PSD3: variants seen among roughly 807,000 people sequenced by gnomAD.
The protein encoded by PSD3 is PH and SEC7 domain-containing protein 3.
Under a neutral mutation model 105.5 loss-of-function variants are expected in PSD3, and 49 were observed. That is an observed-to-expected ratio of 0.46 (90% CI 0.37 to 0.59). PSD3 has a LOEUF of 0.59. Ranked by LOEUF, PSD3 falls within the 20% of genes least tolerant of loss-of-function variation. The pLI is 0.00. For synonymous variants in PSD3, 557 were observed against 457.8 expected, an observed-to-expected ratio of 1.22 and a Z score of -2.77; for missense variants, 1,561 against 1,263.8, an observed-to-expected ratio of 1.24 and a Z score of -3.57.
At chr8:18,587,110 GACATTTCTGC>G (rs1471630299) in intron 12 of PSD3, among the ~76,000 whole-genome samples, 1 of 152,130 alleles carries the variant, frequency 6.6e-6, no homozygotes, top group Non-Finnish European at 1.5e-5. Flanking sequence ...AAGAAGGAGA[GACATTTCTGC>G]TATACTGGAA....
At chr8:18,556,099 G>C (rs1565230) in intron 15 of PSD3, 110 bp downstream of exon 15, 1 of 1,317,832 alleles carries the variant, frequency 7.6e-7, no homozygotes, top group Non-Finnish European at 1.0e-6. Flanking sequence ...ATTAGAGCCA[G>C]GGGCAAGACA....
At chr8:18,704,500 G>C (rs1310894761) in intron 9 of PSD3, among the ~76,000 whole-genome samples, 1 of 152,152 alleles carries the variant, frequency 6.6e-6, no homozygotes, top group African/African-American at 2.4e-5. Context: ...ACCACACTCG[G>C]CTAATTTTTG....
intron 2 of PSD3, among the ~76,000 whole-genome samples, chr8:18,888,102 G>A (rs536316812): frequency 6.6e-6 from 1 of 152,218 alleles, no homozygotes; most frequent in Admixed American, 6.5e-5. Flanking sequence ...GGGATTCCTT[G>A]CCAAGTAAAA....
At chr8:19,078,966 C>T (rs1829553487) in intron 1 of PSD3, among the ~76,000 whole-genome samples, 2 of 151,784 alleles carry the variant, frequency 1.3e-5, no homozygotes, top group African/African-American at 2.4e-5. Flanking sequence ...GTCCCAGCTC[C>T]CAATCCAATT....
intron 1 of PSD3, among the ~76,000 whole-genome samples, chr8:18,981,059 TCCC>T (rs1825225429): frequency 6.6e-6 from 1 of 152,002 alleles, no homozygotes; most frequent in East Asian, 1.9e-4. Context: ...CCTGCTCCCC[TCCC>T]CCGTGAGTTT....
intron 1 of PSD3, among the ~76,000 whole-genome samples, chr8:19,054,333 G>C (rs1024594060): frequency 1.3e-5 from 2 of 152,190 alleles, no homozygotes; most frequent in African/African-American, 2.4e-5. Flanking sequence ...ATCTGTGAGA[G>C]TATCCCGTGT....
chr8:19,012,724 A>T (rs1052524374), intron 1 of PSD3, among the ~76,000 whole-genome samples: 1 of 152,204 alleles, frequency 6.6e-6, no homozygotes, highest in Non-Finnish European at 1.5e-5. Flanking sequence ...CAACGAACGC[A>T]TTGAGGCATT....
chr8:18,832,634 A>G (rs1487035712), intron 4 of PSD3, among the ~76,000 whole-genome samples: 1 of 152,206 alleles, frequency 6.6e-6, no homozygotes, highest in Admixed American at 6.5e-5. Context: ...CCATTCTCAC[A>G]GCGCTAATAA....
intron 4 of PSD3, among the ~76,000 whole-genome samples, chr8:18,854,983 G>T (rs2129453289): frequency 6.6e-6 from 1 of 152,320 alleles, no homozygotes; most frequent in South Asian, 2.1e-4. Flanking sequence ...AGGCATCCGA[G>T]AAACCAGGGA....
Position 18,719,090 on chromosome 8 carries a change from C to T in PSD3, c.2172+46359G>A, listed in dbSNP as rs184991971. On this transcript the variant is annotated intron_variant, in intron 9 of 15. Coordinates refer to ENST00000327040, the MANE Select transcript of PSD3 (RefSeq NM_015310.4). Reference sequence around the variant, plus strand: ...AAAAGGAAAAAGCTAAGACAGAGATCGAAAATTAGGTGGCTGTGACTTCGG... The same window carrying T: ...AAAAGGAAAAAGCTAAGACAGAGATTGAAAATTAGGTGGCTGTGACTTCGG... 2.0e-5 allele frequency among the ~76,000 whole-genome samples: 3 copies of T among 151,530 alleles called. No homozygotes were observed. The Admixed American group carries it at 2.0e-4, about 10-fold the overall frequency.
intron 11 of PSD3, among the ~76,000 whole-genome samples, chr8:18,604,973 C>G (rs1804710757): frequency 6.6e-6 from 1 of 152,218 alleles, no homozygotes; most frequent in African/African-American, 2.4e-5. Context: ...CAGGCAGAAG[C>G]CTGCTGCAGT....
chr8:18,710,292 G>A (rs62495802), intron 9 of PSD3, among the ~76,000 whole-genome samples: 1 of 151,956 alleles, frequency 6.6e-6, no homozygotes, highest in African/African-American at 2.4e-5. Context: ...AAAGATTAGA[G>A]GGAAAAAAAA....
At chr8:19,000,440 G>C (rs1388500428) in intron 1 of PSD3, among the ~76,000 whole-genome samples, 1 of 149,480 alleles carries the variant, frequency 6.7e-6, no homozygotes, top group Non-Finnish European at 1.5e-5. Flanking sequence ...ACAATCAAAA[G>C]AATGAATGAA....
intron 14 of PSD3, among the ~76,000 whole-genome samples, chr8:18,565,176 T>C (rs1554512619): frequency 6.6e-6 from 1 of 152,046 alleles, no homozygotes; most frequent in Non-Finnish European, 1.5e-5. Flanking sequence ...CTGGGAAATG[T>C]GCATTTTCTG....
intron 4 of PSD3, among the ~76,000 whole-genome samples, chr8:18,836,811 T>G (rs1814146526): frequency 1.3e-5 from 2 of 152,156 alleles, no homozygotes; most frequent in Non-Finnish European, 2.9e-5. Context: ...AAAAGGTCTG[T>G]GCATGTTTAG....
intron 1 of PSD3, among the ~76,000 whole-genome samples, chr8:18,979,402 T>C (rs920047188): frequency 6.6e-6 from 1 of 152,244 alleles, no homozygotes; most frequent in African/African-American, 2.4e-5. Flanking sequence ...GAGCACATTC[T>C]TACTCAACCA....
chr8:18,964,686 A>C (rs573564317), intron 1 of PSD3, among the ~76,000 whole-genome samples: 1 of 152,188 alleles, frequency 6.6e-6, no homozygotes, highest in African/African-American at 2.4e-5. Context: ...CGAACTGCCT[A>C]ATTTTCCCCA....
chr8:18,934,020 A>T (rs1821915214), intron 2 of PSD3, among the ~76,000 whole-genome samples: 1 of 152,184 alleles, frequency 6.6e-6, no homozygotes, highest in East Asian at 1.9e-4. Flanking sequence ...TGTTTTTTTT[A>T]CTGTATCTAA....
intron 2 of PSD3, among the ~76,000 whole-genome samples, chr8:18,882,191 C>T (rs530101252): frequency 6.6e-5 from 10 of 151,498 alleles, no homozygotes; most frequent in African/African-American, 2.4e-4. Context: ...CGGGACAACA[C>T]AGCAAGATTC....
Sources: gnomAD v4.1 joint callset for allele counts (sites outside exome capture counted in the v4.1 genomes callset) on GRCh38, gnomAD v4.1.1 for gene constraint, MANE v1.5 for transcripts, NCBI Gene and HGNC (gene_info 2026-07-23, HGNC 2026-07-21) for gene names.